The following STK39 variants were observed in gnomAD, a reference collection of about 807,000 sequenced individuals.
The protein encoded by STK39 is serine/threonine kinase 39, also known as STE20/SPS1-related proline-alanine-rich protein kinase.
In STK39, 20 loss-of-function variants were observed where a neutral mutation model predicts 77.8. That is an observed-to-expected ratio of 0.26 (90% CI 0.18 to 0.37). The LOEUF is 0.37. STK39 is among the 10% of genes least tolerant of loss of function. The probability of loss-of-function intolerance (pLI) is 1.00; values close to 1 mark genes in which losing one functional copy is unlikely to be tolerated. For synonymous variants in STK39, 246 were observed against 234.1 expected (o/e 1.05, Z -0.47); for missense variants, 479 against 656.5 (o/e 0.73, Z 2.95).
At chr2:168,193,471 T>C (rs531706390) in intron 1 of STK39, among the ~76,000 whole-genome samples, 120 of 152,188 alleles carry the variant, frequency 7.9e-4, no homozygotes, top group African/African-American at 2.6e-3. Context: ...GAGAACATCA[T>C]TGAGTGAGAA....
chr2:168,156,072 G>T (rs1688421435), intron 5 of STK39, among the ~76,000 whole-genome samples: 1 of 152,206 alleles, frequency 6.6e-6, no homozygotes, highest in South Asian at 2.1e-4. Flanking sequence ...CAATGTCAGT[G>T]CTGTGTCATA....
intron 17 of STK39, among the ~76,000 whole-genome samples, chr2:167,963,523 T>TAA (rs1242335979): frequency 2.2e-5 from 3 of 138,728 alleles, no homozygotes; most frequent in Admixed American, 7.1e-5. Context: ...ACTCTCACAT[T>TAA]AAAAAAAAAA....
chr2:168,159,729 T>C (rs1297426973), intron 5 of STK39, among the ~76,000 whole-genome samples: 1 of 152,086 alleles, frequency 6.6e-6, no homozygotes, highest in Non-Finnish European at 1.5e-5. Context: ...ATCTGGGAAA[T>C]GGCCATTCCA....
chr2:168,161,735 A>C, intron 5 of STK39, 52 bp downstream of exon 5: 1 of 1,305,206 alleles, frequency 7.7e-7, no homozygotes, highest in South Asian at 1.3e-5. Flanking sequence ...ATTCCTTGAA[A>C]CTGTAACACT....
At chr2:168,153,758 G>A (rs190737184) in intron 5 of STK39, among the ~76,000 whole-genome samples, 83 of 152,204 alleles carry the variant, frequency 5.5e-4, no homozygotes, top group Middle Eastern at 3.4e-3. Context: ...CAAAGATCCC[G>A]GGGCAGCAGC....
chr2:168,115,641 T>C (rs1274467065), intron 10 of STK39, among the ~76,000 whole-genome samples: 1 of 152,222 alleles, frequency 6.6e-6, no homozygotes, highest in Non-Finnish European at 1.5e-5. Flanking sequence ...TCTATGTTTG[T>C]TGACATAAAA....
At chr2:168,082,751 A>C (rs1686268966) in intron 10 of STK39, among the ~76,000 whole-genome samples, 1 of 152,182 alleles carries the variant, frequency 6.6e-6, no homozygotes, top group African/African-American at 2.4e-5. Flanking sequence ...ATCCTTGGAA[A>C]CTGCATTTCT....
chr2:168,122,616 T>C (rs1486197221), intron 10 of STK39, among the ~76,000 whole-genome samples: 1 of 152,084 alleles, frequency 6.6e-6, no homozygotes, highest in African/African-American at 2.4e-5. Flanking sequence ...AATTTTTTTT[T>C]TGTAGAGACA....
At chr2:168,132,556 A>G (rs1433146809) in intron 8 of STK39, among the ~76,000 whole-genome samples, 1 of 152,096 alleles carries the variant, frequency 6.6e-6, no homozygotes, top group Non-Finnish European at 1.5e-5. Context: ...TCATCTCTTG[A>G]TCTTTCGTGA....
intron 2 of STK39, among the ~76,000 whole-genome samples, chr2:168,167,945 G>C (rs1308442662): frequency 6.6e-6 from 1 of 152,204 alleles, no homozygotes; most frequent in Non-Finnish European, 1.5e-5. Context: ...ATCTGCCACA[G>C]TAGATATTCC....
intron 1 of STK39, among the ~76,000 whole-genome samples, chr2:168,234,807 C>T (rs541869305): frequency 6.8e-6 from 1 of 146,082 alleles, no homozygotes; most frequent in Non-Finnish European, 1.6e-5. Flanking sequence ...AAGATTTTTA[C>T]TGATTCCTAC....
chr2:168,242,963 GA>G (rs1690809286), intron 1 of STK39, among the ~76,000 whole-genome samples: 1 of 145,248 alleles, frequency 6.9e-6, no homozygotes, highest in African/African-American at 2.7e-5. Flanking sequence ...AAAAGAAAGT[GA>G]AATGAAATGA....
At chr2:168,211,236 T>A (rs375063679) in intron 1 of STK39, among the ~76,000 whole-genome samples, 2 of 147,548 alleles carry the variant, frequency 1.4e-5, no homozygotes, top group East Asian at 2.1e-4. Context: ...TCCCACCCCA[T>A]CTATCTCATC....
chr2:168,085,790 C>T (rs1037380735), intron 10 of STK39, among the ~76,000 whole-genome samples: 3 of 152,210 alleles, frequency 2.0e-5, no homozygotes, highest in African/African-American at 7.2e-5. Flanking sequence ...AGTGCCCTCT[C>T]CTTGAATCTG....
chr2:167,981,030 C>T (rs757186882), intron 16 of STK39, among the ~76,000 whole-genome samples: 1 of 150,818 alleles, frequency 6.6e-6, no homozygotes, highest in East Asian at 1.9e-4. Flanking sequence ...TAAGACTTCA[C>T]ACTACGTTAG....
At chr2:168,236,569 G>T (rs1324465998) in intron 1 of STK39, among the ~76,000 whole-genome samples, 2 of 152,146 alleles carry the variant, frequency 1.3e-5, no homozygotes, top group Non-Finnish European at 2.9e-5. Flanking sequence ...TTCTTCTAGG[G>T]TTTTTATGGT....
intron 14 of STK39, among the ~76,000 whole-genome samples, chr2:168,042,577 CTTTT>C (rs540413448): frequency 3.0e-5 from 4 of 133,044 alleles, no homozygotes; most frequent in African/African-American, 2.8e-5. Flanking sequence ...TTCCTTCCTT[CTTTT>C]TTTTTTTTTT....
Position 168,167,394 on chromosome 2 carries a change from G to A in STK39, c.335C>T (p.Ala112Val). 1 of 1,613,394 alleles carries A rather than the reference G, an allele frequency of 6.2e-7. No individual in the cohort carries two copies. The highest frequency in any genetic ancestry group is 1.1e-5 in the South Asian group (1 of 91,022). ...GTTGGGATGGCTGCACTGACTCATGGCTTGAATTTCTTTCTATAAAAAGAG... is the reference window on the plus strand; with the variant it reads ...GTTGGGATGGCTGCACTGACTCATGACTTGAATTTCTTTCTATAAAAAGAG... ...SMDELLKEIQ[A>V]MSQCSHPNVV... The change falls in exon 3 of 18, where the codon GCC becomes GTC. Residue 112 changes from alanine to valine, a missense_variant. By Grantham distance (64) the Ala-to-Val change is moderately conservative. Transcript: ENST00000355999.
At chr2:167,992,754 A>T (rs1265652571) in intron 16 of STK39, among the ~76,000 whole-genome samples, 1 of 152,254 alleles carries the variant, frequency 6.6e-6, no homozygotes, top group African/African-American at 2.4e-5. Flanking sequence ...TATATAATTA[A>T]GGTTGAATTT....
Sources: allele counts gnomAD v4.1 joint callset (sites outside exome capture counted in the v4.1 genomes callset), GRCh38; gene constraint gnomAD v4.1.1; transcripts MANE v1.5; gene names NCBI Gene and HGNC (gene_info 2026-07-23, HGNC 2026-07-21).